The following FGF10 variants were observed in gnomAD, a reference collection of about 807,000 sequenced individuals.
The protein encoded by FGF10 is FGF-10.
Under a neutral mutation model 19.8 loss-of-function variants are expected in FGF10, and 2 were observed. The observed-to-expected ratio is 0.10, with a 90% CI of 0.04 to 0.32. The LOEUF (loss-of-function observed/expected upper bound fraction) is 0.32, where lower values mean the gene tolerates loss of function less well. FGF10 is among the 10% of genes least tolerant of loss of function. The pLI is 1.00. For missense variants in FGF10, 191 were observed against 246.3 expected, an observed-to-expected ratio of 0.78 and a Z score of 1.50; for synonymous variants, 112 against 94.0, an observed-to-expected ratio of 1.19 and a Z score of -1.10.
intron 1 of FGF10, among the ~76,000 whole-genome samples, chr5:44,375,929 C>T (rs979542208): frequency 9.2e-5 from 14 of 152,004 alleles, no homozygotes; most frequent in African/African-American, 2.4e-4. Context: ...GGTATAACAA[C>T]GATGATCTTA....
At chr5:44,306,631 G>A (rs150202002) in intron 2 of FGF10, among the ~76,000 whole-genome samples, 81 of 152,236 alleles carry the variant, frequency 5.3e-4, no homozygotes, top group African/African-American at 1.9e-3. Flanking sequence ...AAATGTATAT[G>A]TTTATATACC....
intron 1 of FGF10, among the ~76,000 whole-genome samples, chr5:44,362,333 C>G (rs17227681): frequency 6.6e-6 from 1 of 151,566 alleles, no homozygotes. Context: ...GACACCATTC[C>G]TTTCCTAGTA....
chr5:44,353,523 A>C (rs1184468792), intron 1 of FGF10, among the ~76,000 whole-genome samples: 1 of 151,514 alleles, frequency 6.6e-6, no homozygotes, highest in Non-Finnish European at 1.5e-5. Flanking sequence ...AAATTGCGTC[A>C]AGCCCCTTGG....
chr5:44,363,854 A>G (rs961505240), intron 1 of FGF10, among the ~76,000 whole-genome samples: 1 of 151,886 alleles, frequency 6.6e-6, no homozygotes, highest in South Asian at 2.1e-4. Context: ...ATTTTCCTTC[A>G]TAGTTGATAT....
intron 1 of FGF10, among the ~76,000 whole-genome samples, chr5:44,342,568 C>T (rs749156309): frequency 2.6e-5 from 4 of 151,152 alleles, no homozygotes; most frequent in Non-Finnish European, 5.9e-5. Flanking sequence ...TTACTGATTG[C>T]CACGTATAGG....
chr5:44,311,934 A>T (rs1561197360), intron 1 of FGF10, among the ~76,000 whole-genome samples: 1 of 152,058 alleles, frequency 6.6e-6, no homozygotes, highest in Non-Finnish European at 1.5e-5. Context: ...GGTTAGCCTT[A>T]TGGAGGCCAA....
In FGF10 at chr5:44,305,413, T is replaced by A. The variant is rs6451758; in HGVS notation, c.430-221A>T. On this transcript the variant is annotated intron_variant, in intron 2 of 2. Coordinates refer to ENST00000264664, the MANE Select transcript of FGF10 (RefSeq NM_004465.2). ...CATGATACATTTTAATTGATCATCA[T>A]AGCCACTTTTTGAAAGCCCTTTTAA... Among the ~76,000 whole-genome samples, 32,998 of 152,144 alleles carry A rather than the reference T, an allele frequency of 0.22. 3,722 individuals carry two copies. The highest frequency in any genetic ancestry group is 0.32 in the Admixed American group (4,830 of 15,272).
chr5:44,323,076 G>T (rs1434879668), intron 1 of FGF10, among the ~76,000 whole-genome samples: 1 of 152,032 alleles, frequency 6.6e-6, no homozygotes, highest in Non-Finnish European at 1.5e-5. Flanking sequence ...GTTTTGGAAG[G>T]TCCTGGCTTT....
In FGF10 at chr5:44,307,805, T is replaced by C. The variant is rs186363107; in HGVS notation, c.430-2613A>G. On this transcript the variant is annotated intron_variant, in intron 2 of 2. Coordinates refer to ENST00000264664, the MANE Select transcript of FGF10 (RefSeq NM_004465.2). ...ATATTGAACTTGAATAAATTTTTCG[T>C]TTAATTTGAACAAACCATAATTTTT... Among the ~76,000 whole-genome samples the C allele has an allele frequency of 1.4e-3, 208 of 152,310 alleles. 1 individual carries two copies. Among genetic ancestry groups the C allele is most frequent in the Non-Finnish European group, 1.8e-3 (121 of 68,016 alleles).
chr5:44,308,894 T>C (rs762601892), intron 2 of FGF10, among the ~76,000 whole-genome samples: 6 of 152,168 alleles, frequency 3.9e-5, no homozygotes, highest in Admixed American at 1.3e-4. Flanking sequence ...CACAGACTTA[T>C]TGAATCAGAA....
At chr5:44,377,565 C>G (rs765766675) in intron 1 of FGF10, among the ~76,000 whole-genome samples, 4 of 151,938 alleles carry the variant, frequency 2.6e-5, no homozygotes, top group Admixed American at 6.6e-5. Context: ...TTCTTTTTTT[C>G]TTTCTTTTAA....
At chr5:44,370,346 A>G (rs757681028) in intron 1 of FGF10, among the ~76,000 whole-genome samples, 2 of 152,140 alleles carry the variant, frequency 1.3e-5, no homozygotes, top group South Asian at 4.1e-4. Context: ...TGGAATGAAC[A>G]TATGCATTTA....
chr5:44,317,271 G>A (rs1365905986), intron 1 of FGF10, among the ~76,000 whole-genome samples: 1 of 152,144 alleles, frequency 6.6e-6, no homozygotes, highest in African/African-American at 2.4e-5. Context: ...AATGAGATCT[G>A]AATTTGCAGA....
At chr5:44,348,699 T>A (rs185494691) in intron 1 of FGF10, among the ~76,000 whole-genome samples, 41 of 151,704 alleles carry the variant, frequency 2.7e-4, no homozygotes, top group East Asian at 2.0e-3. Flanking sequence ...TGTATTTATA[T>A]TACATGCAAT....
chr5:44,358,094 C>T (rs1175790377), intron 1 of FGF10, among the ~76,000 whole-genome samples: 1 of 151,394 alleles, frequency 6.6e-6, no homozygotes, highest in African/African-American at 2.4e-5. Flanking sequence ...TGTTTAGGAA[C>T]AGAAAGAATA....
intron 1 of FGF10, among the ~76,000 whole-genome samples, chr5:44,338,543 C>T (rs1372907355): frequency 1.3e-5 from 2 of 152,092 alleles, no homozygotes; most frequent in African/African-American, 2.4e-5. Flanking sequence ...CAAAAGCATC[C>T]GTCCAGCATG....
intron 1 of FGF10, among the ~76,000 whole-genome samples, chr5:44,380,206 T>C (rs1278421343): frequency 6.6e-6 from 1 of 152,222 alleles, no homozygotes; most frequent in Non-Finnish European, 1.5e-5. Flanking sequence ...ATATTAATTC[T>C]TCTTTTAATA....
At chr5:44,363,138 G>A (rs895785635) in intron 1 of FGF10, among the ~76,000 whole-genome samples, 14 of 151,666 alleles carry the variant, frequency 9.2e-5, no homozygotes, top group Non-Finnish European at 1.8e-4. Context: ...TGATTTCCTA[G>A]GTATTGCATG....
At chr5:44,360,999 T>G (rs1361540608) in intron 1 of FGF10, among the ~76,000 whole-genome samples, 1 of 151,756 alleles carries the variant, frequency 6.6e-6, no homozygotes, top group Non-Finnish European at 1.5e-5. Context: ...TCTGAATGAA[T>G]GTCATCCTTG....
Sources: allele counts gnomAD v4.1 joint callset (sites outside exome capture counted in the v4.1 genomes callset), GRCh38; gene constraint gnomAD v4.1.1; transcripts MANE v1.5; gene names NCBI Gene and HGNC (gene_info 2026-07-23, HGNC 2026-07-21).